EBF1: variants seen among roughly 807,000 people sequenced by gnomAD.
EBF1 encodes EBF transcription factor 1.
A neutral mutation model predicts 68.4 loss-of-function variants in EBF1; 10 were observed. The ratio of observed to expected loss-of-function variants is 0.15; its 90% CI spans 0.09 to 0.25. The LOEUF (loss-of-function observed/expected upper bound fraction) is 0.25, where lower values mean the gene tolerates loss of function less well. EBF1 is among the 10% of genes least tolerant of loss of function. The probability of loss-of-function intolerance (pLI) is 1.00; values close to 1 mark genes in which losing one functional copy is unlikely to be tolerated. For missense variants in EBF1, 509 were observed against 794.4 expected, an observed-to-expected ratio of 0.64 and a Z score of 4.32; for synonymous variants, 298 against 299.8, an observed-to-expected ratio of 0.99 and a Z score of 0.06.
At chr5:158,851,116 C>G (rs1401564039) in intron 6 of EBF1, among the ~76,000 whole-genome samples, 1 of 151,552 alleles carries the variant, frequency 6.6e-6, no homozygotes, top group East Asian at 2.0e-4. Context: ...CATGATGGCT[C>G]ATGCCCATAA....
At chr5:158,986,088 G>T (rs1014988239) in intron 6 of EBF1, 4 of 152,350 alleles carry the variant, frequency 2.6e-5, no homozygotes, top group Non-Finnish European at 5.9e-5. Context: ...GTGGAGCGGG[G>T]AGTTGTGTGA....
intron 6 of EBF1, among the ~76,000 whole-genome samples, chr5:159,061,087 A>G (rs1026394343): frequency 5.9e-5 from 9 of 152,112 alleles, no homozygotes; most frequent in African/African-American, 2.2e-4. Flanking sequence ...TTGAGGCAAA[A>G]TTAAAGATGC....
chr5:158,930,840 C>A (rs141982498), intron 6 of EBF1, among the ~76,000 whole-genome samples: 9 of 152,178 alleles, frequency 5.9e-5, no homozygotes, highest in Middle Eastern at 3.4e-3. Context: ...CCAAGTCATA[C>A]CACCTCTGCA....
intron 6 of EBF1, among the ~76,000 whole-genome samples, chr5:158,974,671 A>G (rs1756363144): frequency 6.6e-6 from 1 of 152,238 alleles, no homozygotes; most frequent in Non-Finnish European, 1.5e-5. Flanking sequence ...AAAATGTTTT[A>G]AAATGAAAAC....
rs112781985 is a variant in EBF1, at chr5:158,886,282, T to C, written c.555-46172A>G. 1.4e-3 allele frequency among the ~76,000 whole-genome samples: 217 copies of C among 152,378 alleles called. 1 individual carries two copies. Among genetic ancestry groups the C allele is most frequent in the African/African-American group, 4.9e-3 (204 of 41,602 alleles). On this transcript the variant is annotated intron_variant, in intron 6 of 15. Transcript: ENST00000313708. The stretch of plus-strand genomic sequence containing the variant: ...ACAAACCCAACAGACGCTCCTTGCA[T>C]TGGCAAATCAAAAGCTGGTCTGAAG...
At chr5:159,064,657 A>G (rs17056518) in intron 6 of EBF1, among the ~76,000 whole-genome samples, 9,044 of 152,212 alleles carry the variant, frequency 0.059, 769 homozygotes, top group East Asian at 0.4. Flanking sequence ...CACGAGCCAG[A>G]TCAGGGCACT....
chr5:158,883,862 G>C (rs180918188), intron 6 of EBF1, among the ~76,000 whole-genome samples: 64 of 152,206 alleles, frequency 4.2e-4, no homozygotes, highest in South Asian at 2.1e-4. Context: ...CCCTGGAGGA[G>C]CTCACAGTCT....
At chr5:158,704,703 G>A (rs962697520) in intron 15 of EBF1, among the ~76,000 whole-genome samples, 3 of 151,912 alleles carry the variant, frequency 2.0e-5, no homozygotes, top group Admixed American at 1.3e-4. Context: ...CCTTTCTCAG[G>A]GAAAACTTTT....
At chr5:158,741,567 C>G (rs1766418877) in intron 10 of EBF1, among the ~76,000 whole-genome samples, 1 of 148,690 alleles carries the variant, frequency 6.7e-6, no homozygotes, top group Admixed American at 6.8e-5. Flanking sequence ...AGAGCAAGAC[C>G]CTGTCTTTAA....
intron 10 of EBF1, among the ~76,000 whole-genome samples, chr5:158,751,476 A>C (rs1768890197): frequency 6.6e-6 from 1 of 152,146 alleles, no homozygotes; most frequent in Admixed American, 6.6e-5. Flanking sequence ...TCATACACTC[A>C]GGGATCATCA....
chr5:158,892,830 ATTTT>A (rs888759412), intron 6 of EBF1, among the ~76,000 whole-genome samples: 2 of 152,086 alleles, frequency 1.3e-5, no homozygotes, highest in Admixed American at 6.5e-5. Flanking sequence ...TTCTATTCTT[ATTTT>A]TTATTATTTT....
intron 6 of EBF1, among the ~76,000 whole-genome samples, chr5:158,895,066 T>TTTTTGGTAAATTTATTTA (rs1801904148): frequency 6.6e-6 from 1 of 152,188 alleles, no homozygotes; most frequent in Non-Finnish European, 1.5e-5. Context: ...TCTATAAGAA[T>TTTTTGGTAAATTTATTTA]CTTGTCCAAA....
At chr5:158,807,302 T>A (rs1316009163) in intron 8 of EBF1, among the ~76,000 whole-genome samples, 2 of 152,024 alleles carry the variant, frequency 1.3e-5, no homozygotes, top group East Asian at 3.9e-4. Context: ...TGAAATGGGA[T>A]GAGGAGATGC....
At chr5:158,869,441 T>C (rs2128055000) in intron 6 of EBF1, among the ~76,000 whole-genome samples, 1 of 152,286 alleles carries the variant, frequency 6.6e-6, no homozygotes, top group Middle Eastern at 3.4e-3. Flanking sequence ...CAGGAGGGAA[T>C]ACCCGCCCCC....
At chr5:158,765,150 AT>A (rs1312099277) in intron 10 of EBF1, among the ~76,000 whole-genome samples, 2 of 152,106 alleles carry the variant, frequency 1.3e-5, no homozygotes, top group African/African-American at 4.8e-5. Flanking sequence ...GATGCTAGTA[AT>A]TTTATTAAGG....
At chr5:158,925,198 G>A (rs188142168) in intron 6 of EBF1, among the ~76,000 whole-genome samples, 14 of 152,214 alleles carry the variant, frequency 9.2e-5, no homozygotes, top group East Asian at 1.9e-4. Flanking sequence ...AATCCCTATC[G>A]GTGGCCATGA....
chr5:158,991,608 T>G (rs1760343979), intron 6 of EBF1, among the ~76,000 whole-genome samples: 1 of 152,176 alleles, frequency 6.6e-6, no homozygotes, highest in Admixed American at 6.5e-5. Context: ...AAGATGACAG[T>G]ATTTGGCAGA....
At chr5:159,072,379 G>C (rs1414100952) in intron 6 of EBF1, among the ~76,000 whole-genome samples, 1 of 152,016 alleles carries the variant, frequency 6.6e-6, no homozygotes, top group African/African-American at 2.4e-5. Flanking sequence ...ACTGAAAAAT[G>C]ATAAAACAAG....
intron 8 of EBF1, among the ~76,000 whole-genome samples, chr5:158,805,680 A>G (rs1781454047): frequency 6.6e-6 from 1 of 152,000 alleles, no homozygotes; most frequent in Admixed American, 6.6e-5. Flanking sequence ...TTCCTATTGA[A>G]TTCTAGGAAT....
Sources: allele counts gnomAD v4.1 joint callset (sites outside exome capture counted in the v4.1 genomes callset), GRCh38; gene constraint gnomAD v4.1.1; transcripts MANE v1.5; gene names NCBI Gene and HGNC (gene_info 2026-07-23, HGNC 2026-07-21).